Variants in SGCD observed in about 807,000 individuals in gnomAD.
SGCD encodes delta-sarcoglycan.
A neutral mutation model predicts 36.6 loss-of-function variants in SGCD; 18 were observed. That is an observed-to-expected ratio of 0.49 (90% CI 0.34 to 0.73). The LOEUF (loss-of-function observed/expected upper bound fraction) is 0.73, where lower values mean the gene tolerates loss of function less well. Ranked by LOEUF, SGCD falls within the 30% of genes least tolerant of loss-of-function variation. The pLI is 0.01. For synonymous variants in SGCD, 133 were observed against 130.6 expected, an observed-to-expected ratio of 1.02 and a Z score of -0.12; for missense variants, 387 against 346.7, an observed-to-expected ratio of 1.12 and a Z score of -0.92.
At chr5:156,426,890 C>T (rs79374913) in intron 3 of SGCD, among the ~76,000 whole-genome samples, 8,624 of 152,130 alleles carry the variant, frequency 0.057, 800 homozygotes, top group African/African-American at 0.19. Flanking sequence ...CTACTCAGTT[C>T]CCTTGGTCTG....
intron 3 of SGCD, among the ~76,000 whole-genome samples, chr5:156,268,889 C>A (rs1766076587): frequency 6.6e-6 from 1 of 152,116 alleles, no homozygotes; most frequent in African/African-American, 2.4e-5. Flanking sequence ...CCACTGTGCC[C>A]AGTCAGATTT....
chr5:156,303,649 C>T (rs1767119170), intron 3 of SGCD, among the ~76,000 whole-genome samples: 1 of 151,492 alleles, frequency 6.6e-6, no homozygotes, highest in Non-Finnish European at 1.5e-5. Flanking sequence ...TCATTCATGG[C>T]CCATGGGCTT....
chr5:156,380,978 CAG>C (rs1447156123), intron 3 of SGCD, among the ~76,000 whole-genome samples: 1 of 152,134 alleles, frequency 6.6e-6, no homozygotes, highest in Non-Finnish European at 1.5e-5. Flanking sequence ...ACTTAGGAAA[CAG>C]AATAAATTGA....
At chr5:155,815,448 T>A in the SGCD span, among the ~76,000 whole-genome samples, 4 of 152,236 alleles carry the variant, frequency 2.6e-5, no homozygotes, top group Admixed American at 1.3e-4. Context: ...ATCACATATA[T>A]GTCAATTATT....
intron 3 of SGCD, among the ~76,000 whole-genome samples, chr5:156,233,798 T>A (rs1484585426): frequency 6.6e-6 from 1 of 152,126 alleles, no homozygotes; most frequent in Non-Finnish European, 1.5e-5. Flanking sequence ...GGTATGAGGA[T>A]CACTTGAGCC....
At position 156,154,154 on chromosome 5, in the gene SGCD, C is replaced by T. The variant is rs539165076; in HGVS notation, c.-44+30135C>T. Among the ~76,000 whole-genome samples the T allele has an allele frequency of 4.0e-5, 6 of 151,792 alleles. No individual in the cohort carries two copies. The South Asian group carries it at 1.2e-3, about 31-fold the overall frequency. ...CACTTCATGGGTCCGAGACTCAAAG[C>T]TGTCCAGTAACTTGCTCAAAGATGC... On this transcript the variant is annotated intron_variant, in intron 3 of 9. Coordinates refer to the SGCD transcript ENST00000517913.
At chr5:156,404,113 G>T (rs1214620852) in intron 3 of SGCD, among the ~76,000 whole-genome samples, 3 of 152,088 alleles carry the variant, frequency 2.0e-5, no homozygotes, top group Admixed American at 6.6e-5. Flanking sequence ...AGAATTACAG[G>T]TGTGCACCAC....
chr5:156,276,280 A>G (rs1222593918), intron 3 of SGCD, among the ~76,000 whole-genome samples: 1 of 152,202 alleles, frequency 6.6e-6, no homozygotes, highest in Non-Finnish European at 1.5e-5. Context: ...TCATCACGAG[A>G]TAATGGACAG....
chr5:155,975,717 C>T (rs1758100861), intron 1 of SGCD, among the ~76,000 whole-genome samples: 1 of 142,478 alleles, frequency 7.0e-6, no homozygotes, highest in Non-Finnish European at 1.5e-5. Flanking sequence ...GCAACCTCCG[C>T]CTCCTGGGTT....
intron 3 of SGCD, among the ~76,000 whole-genome samples, chr5:156,450,545 A>G (rs74843411): frequency 3.1e-4 from 47 of 149,524 alleles, no homozygotes; most frequent in Middle Eastern, 3.4e-3. Context: ...TTAAAAAAAA[A>G]AAAAGAAAAG....
At chr5:155,728,680 G>A in the SGCD span, among the ~76,000 whole-genome samples, 1 of 152,070 alleles carries the variant, frequency 6.6e-6, no homozygotes, top group South Asian at 2.1e-4. Context: ...GTCTATCCCG[G>A]AGGGCGCACC....
intron 1 of SGCD, among the ~76,000 whole-genome samples, chr5:155,957,190 GGAGGGAA>G (rs1757680310): frequency 6.6e-6 from 1 of 152,028 alleles, no homozygotes; most frequent in South Asian, 2.1e-4. Context: ...CATTTTGGAT[GGAGGGAA>G]GAGAAGTGGG....
At chr5:156,127,307 C>T (rs1427868229) in intron 3 of SGCD, among the ~76,000 whole-genome samples, 1 of 151,868 alleles carries the variant, frequency 6.6e-6, no homozygotes, top group African/African-American at 2.4e-5. Context: ...ATAAATGAGT[C>T]CACAAAATAG....
At chr5:156,331,240 CA>C (rs1465310837) in intron 2 of SGCD, among the ~76,000 whole-genome samples, 1 of 152,194 alleles carries the variant, frequency 6.6e-6, no homozygotes, top group Non-Finnish European at 1.5e-5. Flanking sequence ...TCTTGCCACA[CA>C]GAAAGGTCTT....
chr5:156,654,126 TA>T (rs1235534157), intron 7 of SGCD, among the ~76,000 whole-genome samples: 1 of 152,114 alleles, frequency 6.6e-6, no homozygotes, highest in Non-Finnish European at 1.5e-5. Context: ...TTTACTTTAA[TA>T]TGTATAGCAC....
chr5:155,952,685 G>T (rs1407588334), intron 1 of SGCD, among the ~76,000 whole-genome samples: 1 of 152,128 alleles, frequency 6.6e-6, no homozygotes, highest in African/African-American at 2.4e-5. Context: ...ATAAGCCACC[G>T]TCAGCCCCTA....
chr5:156,403,954 T>C (rs1171109591), intron 3 of SGCD, among the ~76,000 whole-genome samples: 1 of 151,880 alleles, frequency 6.6e-6, no homozygotes, highest in African/African-American at 2.4e-5. Context: ...TTGCCTCAGC[T>C]CCTCGAATAG....
intron 7 of SGCD, among the ~76,000 whole-genome samples, chr5:156,698,358 T>C (rs182020658): frequency 4.5e-4 from 69 of 152,328 alleles, no homozygotes; most frequent in Admixed American, 1.5e-3. Flanking sequence ...GGCAACTGCC[T>C]CTTCTCTTTC....
chr5:156,761,167 C>T lies in SGCD; in HGVS notation c.*1777C>T, dbSNP rs1410300254. 1 of 152,144 alleles carries T rather than the reference C, an allele frequency of 6.6e-6. No individual in the cohort carries two copies. Among genetic ancestry groups the T allele is most frequent in the Admixed American group, 6.5e-5 (1 of 15,276 alleles). 9.4% of individuals were successfully genotyped at this position (152,144 alleles called of 1,614,324 possible). A position where few individuals can be genotyped will look rare whatever the true frequency, so the allele number is the denominator to read the frequency against. ...AGATTTGATATTTTTTGAGATGACA[C>T]TCAAGCATCAGGCTGAGATTTGCAC... On this transcript the variant is annotated 3_prime_UTR_variant, in exon 9 of 9. Coordinates refer to ENST00000337851, the MANE Select transcript of SGCD (RefSeq NM_000337.6).
Sources: gnomAD v4.1 joint callset for allele counts (sites outside exome capture counted in the v4.1 genomes callset) on GRCh38, gnomAD v4.1.1 for gene constraint, MANE v1.5 for transcripts, NCBI Gene and HGNC (gene_info 2026-07-23, HGNC 2026-07-21) for gene names.